Variants in RBFOX1 observed in about 807,000 individuals in gnomAD.
RBFOX1 encodes the protein RNA binding fox-1 homolog 1.
RBFOX1 carries 8 observed loss-of-function variants against 57.7 expected under a neutral mutation model. That is an observed-to-expected ratio of 0.14 (90% CI 0.08 to 0.25). The LOEUF is 0.25. Among genes scored for constraint, RBFOX1 ranks in the 10% least tolerant of loss-of-function variants. RBFOX1 has a pLI of 1.00. For synonymous variants in RBFOX1, 326 were observed against 222.4 expected, an observed-to-expected ratio of 1.47 and a Z score of -4.15; for missense variants, 611 against 548.5, an observed-to-expected ratio of 1.11 and a Z score of -1.14.
chr16:6,930,912 T>A (rs2076400544), intron 3 of RBFOX1, among the ~76,000 whole-genome samples: 1 of 152,020 alleles, frequency 6.6e-6, no homozygotes, highest in Non-Finnish European at 1.5e-5. Context: ...AGCCGAGTCT[T>A]CTGTGTATTT....
intron 2 of RBFOX1, among the ~76,000 whole-genome samples, chr16:6,431,554 C>A (rs890611692): frequency 2.0e-5 from 3 of 151,992 alleles, no homozygotes; most frequent in African/African-American, 7.2e-5. Context: ...AAAACAGGGG[C>A]TCCGAGGGTG....
chr16:7,316,987 A>ACAC (rs1568178930), intron 4 of RBFOX1, among the ~76,000 whole-genome samples: 18 of 45,916 alleles, frequency 3.9e-4, no homozygotes, highest in Admixed American at 1.4e-3. Context: ...CACACACACA[A>ACAC]ACACACACAC....
intron 1 of RBFOX1, among the ~76,000 whole-genome samples, chr16:5,398,508 G>C (rs1456102995): frequency 6.6e-6 from 1 of 152,024 alleles, no homozygotes; most frequent in South Asian, 2.1e-4. Flanking sequence ...GTGCATGTGA[G>C]CAGGTGTGCA....
chr16:5,295,836 T>C (rs1006517079), intron 1 of RBFOX1, among the ~76,000 whole-genome samples: 1 of 152,182 alleles, frequency 6.6e-6, no homozygotes, highest in Non-Finnish European at 1.5e-5. Flanking sequence ...AGTACCAGGA[T>C]GGGAGGCATC....
chr16:6,292,875 C>CA (rs1327780203), intron 1 of RBFOX1, among the ~76,000 whole-genome samples: 2 of 152,092 alleles, frequency 1.3e-5, no homozygotes, highest in African/African-American at 4.8e-5. Context: ...AAATACAGTT[C>CA]AAAAAATTCT....
At chr16:6,853,820 G>A (rs560750328) in intron 3 of RBFOX1, among the ~76,000 whole-genome samples, 1 of 152,254 alleles carries the variant, frequency 6.6e-6, no homozygotes, top group South Asian at 2.1e-4. Flanking sequence ...CCTCCCCAAC[G>A]GATGACTGAC....
chr16:6,645,829 A>G (rs916692815), intron 2 of RBFOX1, among the ~76,000 whole-genome samples: 5 of 152,154 alleles, frequency 3.3e-5, no homozygotes, highest in Non-Finnish European at 7.4e-5. Flanking sequence ...CGAGGCAACC[A>G]TGATTGTTAA....
At chr16:7,059,110 C>A (rs1320382593) in intron 4 of RBFOX1, among the ~76,000 whole-genome samples, 1 of 152,118 alleles carries the variant, frequency 6.6e-6, no homozygotes, top group Non-Finnish European at 1.5e-5. Flanking sequence ...TGGCTTAAAC[C>A]CATCGCCTTC....
At chr16:5,484,337 C>T (rs2069651452) in intron 2 of RBFOX1, among the ~76,000 whole-genome samples, 2 of 152,212 alleles carry the variant, frequency 1.3e-5, no homozygotes, top group African/African-American at 4.8e-5. Flanking sequence ...CAAACCCCTC[C>T]AGTAAGCAGC....
At chr16:5,467,347 C>T (rs2068985588) in intron 2 of RBFOX1, 1 of 1,239,742 alleles carries the variant, frequency 8.1e-7, no homozygotes, top group African/African-American at 1.5e-5. Flanking sequence ...CCTGCAACTT[C>T]ACTGCCCAGG....
At chr16:6,648,693 C>G (rs975688500) in intron 2 of RBFOX1, among the ~76,000 whole-genome samples, 1 of 152,118 alleles carries the variant, frequency 6.6e-6, no homozygotes, top group African/African-American at 2.4e-5. Context: ...ATATTTTTCA[C>G]TTCAGGAGAG....
At chr16:6,489,977 C>A (rs1000074230) in intron 2 of RBFOX1, among the ~76,000 whole-genome samples, 1 of 152,174 alleles carries the variant, frequency 6.6e-6, no homozygotes, top group Non-Finnish European at 1.5e-5. Flanking sequence ...AAACTTAAGT[C>A]TTTGCTTTCT....
chr16:5,443,014 C>G (rs762310953), intron 1 of RBFOX1, among the ~76,000 whole-genome samples: 5 of 152,122 alleles, frequency 3.3e-5, no homozygotes, highest in Non-Finnish European at 7.4e-5. Flanking sequence ...TGCCTCAAGC[C>G]AAGGAGTGCC....
rs144077986 is a variant in RBFOX1, at chr16:7,084,922, C to G, written c.27+32824C>G. Among the ~76,000 whole-genome samples the G allele has an allele frequency of 6.7e-3, 1,023 of 152,260 alleles. 17 individuals carry two copies. The highest frequency in any genetic ancestry group is 0.022 in the South Asian group (106 of 4,820). On this transcript the variant is annotated intron_variant, in intron 4 of 15. Coordinates refer to ENST00000550418, the MANE Select transcript of RBFOX1 (RefSeq NM_018723.4). ...TCCAACCAGCCATTCAGCCATCCAT[C>G]CATTTGTCCATCCATGCATCTATTC...
At chr16:7,263,814 C>T (rs939176315) in intron 4 of RBFOX1, among the ~76,000 whole-genome samples, 2 of 151,646 alleles carry the variant, frequency 1.3e-5, no homozygotes, top group Non-Finnish European at 2.9e-5. Context: ...GCGGGAGAAT[C>T]GCTTGAACCC....
At chr16:7,152,830 G>C (rs1451871375) in intron 4 of RBFOX1, among the ~76,000 whole-genome samples, 2 of 152,166 alleles carry the variant, frequency 1.3e-5, no homozygotes, top group East Asian at 1.9e-4. Context: ...GACAATGGAA[G>C]GTGGGTGGCA....
intron 12 of RBFOX1, among the ~76,000 whole-genome samples, chr16:7,654,284 G>T (rs1361326344): frequency 3.9e-5 from 6 of 152,164 alleles, no homozygotes; most frequent in Non-Finnish European, 7.4e-5. Flanking sequence ...TTATTAAGGA[G>T]GTTGGACCAC....
chr16:5,620,228 G>A (rs189374904), intron 3 of RBFOX1, among the ~76,000 whole-genome samples: 7 of 152,174 alleles, frequency 4.6e-5, no homozygotes, highest in South Asian at 2.1e-4. Flanking sequence ...CATTAGCCCC[G>A]TTTTGTGGAG....
chr16:7,056,107 C>T (rs1269799021), intron 4 of RBFOX1, among the ~76,000 whole-genome samples: 4 of 152,148 alleles, frequency 2.6e-5, no homozygotes, highest in Non-Finnish European at 4.4e-5. Flanking sequence ...GTGTGGGCAG[C>T]AGGCATGGGG....
Sources: allele counts gnomAD v4.1 joint callset (sites outside exome capture counted in the v4.1 genomes callset), GRCh38; gene constraint gnomAD v4.1.1; transcripts MANE v1.5; gene names NCBI Gene and HGNC (gene_info 2026-07-23, HGNC 2026-07-21).